PLSCR2: variants seen among roughly 807,000 people sequenced by gnomAD.
The protein encoded by PLSCR2 is PL scramblase 2.
In PLSCR2, 18 loss-of-function variants were observed where a neutral mutation model predicts 25.3. That is an observed-to-expected ratio of 0.71 (90% CI 0.49 to 1.06). The LOEUF (loss-of-function observed/expected upper bound fraction) is 1.06. Ranked by LOEUF, PLSCR2 falls within the 50% of genes least tolerant of loss-of-function variation. The probability of loss-of-function intolerance (pLI) is 0.00; values close to 1 mark genes in which losing one functional copy is unlikely to be tolerated. For synonymous variants in PLSCR2, 88 were observed against 87.3 expected, an observed-to-expected ratio of 1.01 and a Z score of -0.04; for missense variants, 243 against 269.5, an observed-to-expected ratio of 0.90 and a Z score of 0.69.
intron 6 of PLSCR2, among the ~76,000 whole-genome samples, chr3:146,447,629 G>A (rs968273692): frequency 2.0e-5 from 3 of 152,124 alleles, no homozygotes; most frequent in African/African-American, 4.8e-5. Flanking sequence ...CTCTACTGGA[G>A]CTGCAAGCTG....
At chr3:146,469,760 C>G (rs1040886408) in intron 1 of PLSCR2, among the ~76,000 whole-genome samples, 199 bp from the exon 1 acceptor site, 169 of 148,886 alleles carry the variant, frequency 1.1e-3, no homozygotes, top group African/African-American at 3.9e-3. Context: ...CGCGGCCGAG[C>G]TGGGGGCGCG....
intron 2 of PLSCR2, among the ~76,000 whole-genome samples, chr3:146,427,542 G>A (rs2039397685): frequency 6.6e-6 from 1 of 152,120 alleles, no homozygotes; most frequent in Non-Finnish European, 1.5e-5. Context: ...GCCCAGCACC[G>A]GCAATGCACA....
chr3:146,487,214 G>A (rs965486701), intron 1 of PLSCR2, among the ~76,000 whole-genome samples: 3 of 152,140 alleles, frequency 2.0e-5, no homozygotes, highest in Admixed American at 2.0e-4. Flanking sequence ...ATATCATACT[G>A]AATGGGCAAC....
At chr3:146,406,244 C>T (rs971255137) in intron 2 of PLSCR2, among the ~76,000 whole-genome samples, 5 of 152,130 alleles carry the variant, frequency 3.3e-5, no homozygotes, top group African/African-American at 9.7e-5. Flanking sequence ...ATAAGTATCT[C>T]GACAGCTAGC....
chr3:146,478,567 A>G (rs2043012702), intron 1 of PLSCR2, among the ~76,000 whole-genome samples: 1 of 152,248 alleles, frequency 6.6e-6, no homozygotes, highest in South Asian at 2.1e-4. Context: ...GAAACTAAAA[A>G]AAGCCTCCAA....
chr3:146,447,321 T>A (rs1176225852), intron 6 of PLSCR2, among the ~76,000 whole-genome samples: 1 of 152,178 alleles, frequency 6.6e-6, no homozygotes, highest in Non-Finnish European at 1.5e-5. Flanking sequence ...AGCAAGCATG[T>A]CTCAAGAGTT....
chr3:146,409,701 A>C (rs2038782933), intron 2 of PLSCR2, among the ~76,000 whole-genome samples: 1 of 152,126 alleles, frequency 6.6e-6, no homozygotes, highest in South Asian at 2.1e-4. Flanking sequence ...CCGAGAGAAA[A>C]ATTCTGTAGC....
intron 1 of PLSCR2, among the ~76,000 whole-genome samples, chr3:146,470,683 C>T (rs2042083247): frequency 6.6e-6 from 1 of 151,944 alleles, no homozygotes; most frequent in Non-Finnish European, 1.5e-5. Flanking sequence ...CATTTGAAGA[C>T]ACACTAAGAG....
chr3:146,458,625 T>G (rs527563185), intron 2 of PLSCR2, among the ~76,000 whole-genome samples, 172 bp from the exon 3 acceptor site: 19 of 152,222 alleles, frequency 1.2e-4, no homozygotes, highest in Admixed American at 9.2e-4. Flanking sequence ...ATATTTTTAA[T>G]TAAAAATGCT....
intron 8 of PLSCR2, among the ~76,000 whole-genome samples, chr3:146,435,981 T>G (rs1238381026): frequency 1.3e-5 from 2 of 152,240 alleles, no homozygotes; most frequent in Admixed American, 6.5e-5. Context: ...AGTTTCAGCT[T>G]TCTACATATG....
At position 146,474,582 on chromosome 3, in the gene PLSCR2, A is replaced by G. The variant is rs145318441; in HGVS notation, c.-292-14298T>C. ...CCCTTAGTAGTTTTTCCTTCGTTTC[A>G]GCCTGGGAGAATCTGATGATTATAT... On this transcript the variant is annotated intron_variant, in intron 1 of 8. Transcript: ENST00000336685. Among the ~76,000 whole-genome samples the G allele has an allele frequency of 6.6e-3, 1,006 of 152,040 alleles. 14 individuals carry two copies. The highest frequency in any genetic ancestry group is 0.023 in the South Asian group (109 of 4,798).
intron 1 of PLSCR2, among the ~76,000 whole-genome samples, chr3:146,477,061 C>T (rs546440393): frequency 6.6e-6 from 1 of 152,320 alleles, no homozygotes; most frequent in South Asian, 2.1e-4. Flanking sequence ...TGGGTGAGAA[C>T]CCCCGCAAAC....
upstream of PLSCR2, among the ~76,000 whole-genome samples, chr3:146,463,432 G>A (rs1475284598): frequency 6.6e-6 from 1 of 152,178 alleles, no homozygotes; most frequent in African/African-American, 2.4e-5. Context: ...TGGGATTACA[G>A]GCGTGAGCCA....
At chr3:146,413,171 C>T (rs1188371732) in intron 2 of PLSCR2, among the ~76,000 whole-genome samples, 1 of 152,016 alleles carries the variant, frequency 6.6e-6, no homozygotes, top group African/African-American at 2.4e-5. Flanking sequence ...ATTTGGTGCT[C>T]CTGGAACTCT....
At chr3:146,481,735 A>G (rs577675965) in intron 1 of PLSCR2, among the ~76,000 whole-genome samples, 1 of 152,340 alleles carries the variant, frequency 6.6e-6, no homozygotes, top group South Asian at 2.1e-4. Context: ...ACTACTTTAA[A>G]GTTCATATGG....
chr3:146,454,167 C>T lies in PLSCR2; in HGVS notation c.322-4G>A, dbSNP rs1039823073. On this transcript the variant is annotated splice_polypyrimidine_tract_variant and splice_region_variant and intron_variant, in intron 4 of 6. Coordinates refer to ENST00000610787, the Ensembl canonical transcript of PLSCR2. ...CAGGAGGAGCTTGGATTTCTATCTA[C>T]AAAAGTAAAATATGTGTGAACGTAA... 1 of 1,570,028 alleles carries T rather than the reference C, an allele frequency of 6.4e-7. No homozygotes were observed. Among genetic ancestry groups the T allele is most frequent in the Admixed American group, 2.0e-5 (1 of 49,662 alleles).
At chr3:146,452,174 T>C (rs1038852896) in intron 5 of PLSCR2, among the ~76,000 whole-genome samples, 2 of 152,090 alleles carry the variant, frequency 1.3e-5, no homozygotes, top group Non-Finnish European at 2.9e-5. Flanking sequence ...AGTGTCAGAA[T>C]TGAACTGAGT....
intron 1 of PLSCR2, among the ~76,000 whole-genome samples, chr3:146,490,479 A>C (rs563057516): frequency 4.9e-4 from 74 of 152,152 alleles, no homozygotes; most frequent in African/African-American, 1.7e-3. Context: ...GTGATTATCT[A>C]ATTGTGGTTA....
chr3:146,445,923 T>C (rs1039149717), intron 6 of PLSCR2, among the ~76,000 whole-genome samples: 1 of 152,218 alleles, frequency 6.6e-6, no homozygotes, highest in Non-Finnish European at 1.5e-5. Context: ...TCAGCTCTAC[T>C]GTTTAGAGAC....
Sources: allele counts gnomAD v4.1 joint callset (sites outside exome capture counted in the v4.1 genomes callset), GRCh38; gene constraint gnomAD v4.1.1; transcripts MANE v1.5; gene names NCBI Gene and HGNC (gene_info 2026-07-23, HGNC 2026-07-21).